Variants in RAB5B observed in about 807,000 individuals in gnomAD.
RAB5B encodes ras-related protein Rab-5B.
RAB5B carries 11 observed loss-of-function variants against 28.6 expected under a neutral mutation model. That is an observed-to-expected ratio of 0.38 (90% CI 0.24 to 0.64). The LOEUF is 0.64. Among genes scored for constraint, RAB5B ranks in the 30% least tolerant of loss-of-function variants. RAB5B has a pLI of 0.53. For synonymous variants in RAB5B, 93 were observed against 97.9 expected (o/e 0.95, Z 0.29); for missense variants, 169 against 265.6 (o/e 0.64, Z 2.53).
At chr12:55,987,566 G>A (rs1036587288) in intron 2 of RAB5B, among the ~76,000 whole-genome samples, 6 of 152,046 alleles carry the variant, frequency 3.9e-5, no homozygotes, top group South Asian at 2.1e-4. Context: ...AACAGAGGCC[G>A]GTCCCAGTGG....
In RAB5B at chr12:55,995,972, CATATATATATACATATATAT is replaced by C. The variant is rs1007835628; in HGVS notation, c.*3772_*3791del. The C allele has an allele frequency of 1.2e-4, 13 of 108,906 alleles. No homozygotes were observed. The highest frequency in any genetic ancestry group is 1.1e-3 in the Admixed American group (12 of 11,116). 6.7% of individuals were successfully genotyped at this position (108,906 alleles called of 1,614,324 possible). Reference sequence around the variant, plus strand: ...CTCTCTCTCTCACTCTCTCTCTCTCCATATATATATACATATATATATATATATATATTTTTTTTTTAACA... The same window carrying C: ...CTCTCTCTCTCACTCTCTCTCTCTCCATATATATATATTTTTTTTTTAACA... On this transcript the variant is annotated 3_prime_UTR_variant, in exon 6 of 6. Coordinates refer to ENST00000360299, the MANE Select transcript of RAB5B (RefSeq NM_002868.4).
intron 1 of RAB5B, among the ~76,000 whole-genome samples, chr12:55,986,464 A>G (rs1889954010): frequency 1.3e-5 from 2 of 152,040 alleles, no homozygotes; most frequent in Admixed American, 1.3e-4. Flanking sequence ...AGAAAAGGAA[A>G]AGAAGAGCAC....
In RAB5B at chr12:55,992,526, C is replaced by T. The variant is rs145665894; in HGVS notation, c.*314C>T. 247 of 520,144 alleles carry T rather than the reference C, an allele frequency of 4.7e-4. 3 individuals are homozygous for T. The East Asian group carries it at 6.4e-3, about 14-fold the overall frequency. The allele number at this position is 520,144 out of a possible 1,614,324, so 32.2% of individuals were successfully genotyped here. ...AGCGACTTACGTATCTTTTCTCCTC[C>T]TCCCTAGTGTTCCTCCCCATTTTTT... On this transcript the variant is annotated 3_prime_UTR_variant, in exon 6 of 6. Coordinates refer to ENST00000360299, the MANE Select transcript of RAB5B (RefSeq NM_002868.4).
chr12:55,991,324 T>A, intron 4 of RAB5B, 36 bp from the exon 5 acceptor site: 1 of 1,518,434 alleles, frequency 6.6e-7, no homozygotes, highest in Non-Finnish European at 9.1e-7. Flanking sequence ...GTTCCCACCC[T>A]ACATTCTGAG....
At chr12:55,991,632 A>G (rs902141525) in intron 5 of RAB5B, 179 bp downstream of exon 5, 10 of 560,950 alleles carry the variant, frequency 1.8e-5, no homozygotes, top group East Asian at 6.3e-5. Context: ...CTTGTCTTCA[A>G]TGTGTAAGTT....
intron 1 of RAB5B, among the ~76,000 whole-genome samples, chr12:55,986,194 A>G (rs549695506): frequency 4.6e-5 from 7 of 152,262 alleles, no homozygotes; most frequent in African/African-American, 1.7e-4. Flanking sequence ...TGCCTGTAAT[A>G]TCAGCACTTT....
At chr12:55,980,452 T>C (rs878889697) in intron 1 of RAB5B, 1 of 1,591,670 alleles carries the variant, frequency 6.3e-7, no homozygotes, top group African/African-American at 1.3e-5. Flanking sequence ...TGGTGTTCTT[T>C]ATGTCACAAG....
intron 1 of RAB5B, among the ~76,000 whole-genome samples, chr12:55,977,939 T>G (rs1279029001): frequency 6.6e-6 from 1 of 152,222 alleles, no homozygotes; most frequent in Non-Finnish European, 1.5e-5. Context: ...AATTAATAGA[T>G]AGTGGCCCAA....
Position 55,987,247 on chromosome 12 carries a change from G to A in RAB5B, c.163+124G>A. ...GCAATCTTGGCTTACTGCAACCTCT[G>A]TCTCCCAGGTTCGAGCGATTCTCAT... is the stretch of plus-strand genomic sequence containing the variant. On this transcript the variant is annotated intron_variant, in intron 2 of 5. Transcript: ENST00000360299. 3.2e-6 allele frequency: 3 copies of A among 945,072 alleles called. No individual in the cohort carries two copies. The East Asian group carries it at 7.8e-5, about 24-fold the overall frequency. 58.5% of individuals were successfully genotyped at this position (945,072 alleles called of 1,614,324 possible). A position where few individuals can be genotyped will look rare whatever the true frequency, so the allele number is the denominator to read the frequency against.
intron 3 of RAB5B, 133 bp from the exon 4 acceptor site, chr12:55,990,545 TAATG>T: frequency 8.6e-7 from 1 of 1,161,444 alleles, no homozygotes; most frequent in East Asian, 2.4e-5. Context: ...AGAAGACAGA[TAATG>T]AATTATCAGA....
rs780391487 is a variant in RAB5B, at chr12:55,995,984, CATATAT to C, written c.*3787_*3792del. The C allele has an allele frequency of 2.0e-5, 2 of 100,226 alleles. No individual in the cohort carries two copies. The highest frequency in any genetic ancestry group is 3.9e-5 in the Non-Finnish European group (2 of 51,840). The allele number at this position is 100,226 out of a possible 1,614,324, so 6.2% of individuals were successfully genotyped here. On this transcript the variant is annotated 3_prime_UTR_variant, in exon 6 of 6. Transcript: ENST00000360299. ...CTCTCTCTCTCTCCATATATATATA[CATATAT>C]ATATATATATATATTTTTTTTTTAA... is the stretch of plus-strand genomic sequence containing the variant.
intron 1 of RAB5B, among the ~76,000 whole-genome samples, chr12:55,978,961 C>T (rs1032116126): frequency 2.0e-5 from 3 of 151,868 alleles, no homozygotes; most frequent in African/African-American, 7.3e-5. Context: ...TTAGTAGAGA[C>T]GGGGTTTCAC....
Position 55,992,523 on chromosome 12 carries a change from C to T in RAB5B, c.*311C>T. 3 of 525,838 alleles carry T rather than the reference C, an allele frequency of 5.7e-6. 1 individual carries two copies. The highest frequency in any genetic ancestry group is 9.6e-5 in the East Asian group (2 of 20,782). 32.6% of individuals were successfully genotyped at this position (525,838 alleles called of 1,614,324 possible). A position where few individuals can be genotyped will look rare whatever the true frequency, so the allele number is the denominator to read the frequency against. ...GACAGCGACTTACGTATCTTTTCTCCTCCTCCCTAGTGTTCCTCCCCATTT... is the reference window on the plus strand; with the variant it reads ...GACAGCGACTTACGTATCTTTTCTCTTCCTCCCTAGTGTTCCTCCCCATTT... On this transcript the variant is annotated 3_prime_UTR_variant, in exon 6 of 6. Coordinates refer to ENST00000360299, the MANE Select transcript of RAB5B (RefSeq NM_002868.4).
chr12:55,981,146 C>T, intron 1 of RAB5B: 3 of 880,414 alleles, frequency 3.4e-6, no homozygotes, highest in South Asian at 3.2e-5. Context: ...TCACTGCTAC[C>T]TCTGCCTCCC....
At chr12:55,978,153 G>T (rs1300807958) in intron 1 of RAB5B, among the ~76,000 whole-genome samples, 1 of 152,174 alleles carries the variant, frequency 6.6e-6, no homozygotes, top group African/African-American at 2.4e-5. Context: ...CTCCATCCAA[G>T]GGAGATCACA....
At chr12:55,984,909 A>C (rs560084851) in intron 1 of RAB5B, among the ~76,000 whole-genome samples, 25 of 152,342 alleles carry the variant, frequency 1.6e-4, no homozygotes, top group African/African-American at 6.0e-4. Flanking sequence ...CATTTTACAA[A>C]GGTAGAAGGT....
At chr12:55,981,104 T>A (rs1889794955) in intron 1 of RAB5B, 1 of 1,400,974 alleles carries the variant, frequency 7.1e-7, no homozygotes, top group South Asian at 1.2e-5. Flanking sequence ...CGCTCTGTTG[T>A]CCAGGCTGGA....
chr12:55,991,242 T>C lies in RAB5B; in HGVS notation c.439-118T>C, dbSNP rs529029011. ...ATCTAGGCTAGCTGGCTCAAAGGGG[T>C]ATTAATTAAGGGGAGGGAACCTAGG... On this transcript the variant is annotated intron_variant, in intron 4 of 5. Transcript: ENST00000360299. 24 of 696,984 alleles carry C rather than the reference T, an allele frequency of 3.4e-5. No homozygotes were observed. In the African/African-American group the frequency reaches 4.0e-4, roughly 12 times the overall value. 43.2% of individuals were successfully genotyped at this position (696,984 alleles called of 1,614,324 possible). A position where few individuals can be genotyped will look rare whatever the true frequency, so the allele number is the denominator to read the frequency against.
chr12:55,978,774 CTTTTT>C (rs35830890), intron 1 of RAB5B, among the ~76,000 whole-genome samples: 1 of 136,548 alleles, frequency 7.3e-6, no homozygotes, highest in Admixed American at 7.3e-5. Context: ...GAAATACAGT[CTTTTT>C]TTTTTTTTTT....
Sources: gnomAD v4.1 joint callset for allele counts (sites outside exome capture counted in the v4.1 genomes callset) on GRCh38, gnomAD v4.1.1 for gene constraint, MANE v1.5 for transcripts, NCBI Gene and HGNC (gene_info 2026-07-23, HGNC 2026-07-21) for gene names.